The following SMARCC2 variants were observed in gnomAD, a reference collection of about 807,000 sequenced individuals.
SMARCC2 encodes SWI/SNF related BAF chromatin remodeling complex subunit C2.
Under a neutral mutation model 151.3 loss-of-function variants are expected in SMARCC2, and 15 were observed. That is an observed-to-expected ratio of 0.10 (90% CI 0.07 to 0.15). The LOEUF (loss-of-function observed/expected upper bound fraction) is 0.15, where lower values mean the gene tolerates loss of function less well. Among genes scored for constraint, SMARCC2 ranks in the 10% least tolerant of loss-of-function variants. SMARCC2 has a pLI of 1.00. For missense variants in SMARCC2, 1,031 were observed against 1,599.7 expected (o/e 0.64, Z 6.06); for synonymous variants, 590 against 609.5 (o/e 0.97, Z 0.47).
chr12:56,182,499 ATT>A (rs1008534548), intron 7 of SMARCC2, among the ~76,000 whole-genome samples: 1 of 151,296 alleles, frequency 6.6e-6, no homozygotes, highest in Non-Finnish European at 1.5e-5. Flanking sequence ...TAATTTTTAT[ATT>A]TTTAGTACAG....
At position 56,171,176 on chromosome 12, in the gene SMARCC2, G is replaced by A; in HGVS notation, c.2347+95C>T. The A allele has an allele frequency of 8.2e-7, 1 of 1,220,984 alleles. No individual in the cohort carries two copies. Among genetic ancestry groups the A allele is most frequent in the South Asian group, 1.3e-5 (1 of 78,556 alleles). 75.6% of individuals were successfully genotyped at this position (1,220,984 alleles called of 1,614,324 possible). On this transcript the variant is annotated intron_variant, in intron 22 of 28. Coordinates refer to ENST00000550164, the MANE Select transcript of SMARCC2 (RefSeq NM_001330288.2). The surrounding 1 kb of genome is among the most constrained non-coding windows in gnomAD (Gnocchi z 4.2). ...CTACCAATGTTCTCATTCATGTTGTGCTCTAATGCCAACTTGAGGCAGAAA... is the reference window on the plus strand; with the variant it reads ...CTACCAATGTTCTCATTCATGTTGTACTCTAATGCCAACTTGAGGCAGAAA...
chr12:56,179,115 T>A (rs1034991244), intron 11 of SMARCC2, 59 bp from the exon 12 acceptor site: 3 of 1,453,724 alleles, frequency 2.1e-6, no homozygotes, highest in Middle Eastern at 3.5e-4. Flanking sequence ...GCCTTCAATT[T>A]AATAGTTCCA....
intron 11 of SMARCC2, 85 bp downstream of exon 11, chr12:56,180,892 G>A (rs1876069789): frequency 7.0e-7 from 1 of 1,419,626 alleles, no homozygotes. Context: ...AGGTGGACCT[G>A]AGAAATCAGC....
Position 56,164,439 on chromosome 12 carries a change from A to G in SMARCC2, c.3525T>C (p.His1175=). 1 of 1,613,968 alleles carries G rather than the reference A, an allele frequency of 6.2e-7. No homozygotes were observed. The highest frequency in any genetic ancestry group is 8.5e-7 in the Non-Finnish European group (1 of 1,180,018). ...TGGTGGTGGTCGCCGGCAGGTTAGG[A>G]TGTAGAGGGTTCGCCATGGACACAG... is the stretch of plus-strand genomic sequence containing the variant. ...NLPVSMANPL[H]PNLPATTTMP... The change falls in exon 28 of 29, where the codon CAT becomes CAC. Residue 1175 remains histidine (H), a synonymous_variant. Coordinates refer to ENST00000550164, the MANE Select transcript of SMARCC2 (RefSeq NM_001330288.2).
At chr12:56,184,430 G>A (rs1470525188) in intron 5 of SMARCC2, 186 bp from the exon 6 acceptor site, 21 of 584,034 alleles carry the variant, frequency 3.6e-5, no homozygotes, top group Non-Finnish European at 6.1e-5. Flanking sequence ...ATGGAGAAAA[G>A]TCAAAGAATT....
chr12:56,187,737 T>C (rs1565926663), intron 1 of SMARCC2, among the ~76,000 whole-genome samples: 1 of 152,144 alleles, frequency 6.6e-6, no homozygotes, highest in Admixed American at 6.5e-5. Context: ...ATTCCCCCTA[T>C]AATGTAGCCT....
rs35695803 is a variant in SMARCC2, at chr12:56,163,327, C to CT, written c.*361dup. ...CTCCAATGTGGCTTTTTAAAATCTA[C>CT]TTTTTTTTTTTTTTTTTAATCCATA... On this transcript the variant is annotated 3_prime_UTR_variant, in exon 29 of 29. Transcript: ENST00000550164. 0.19 allele frequency: 26,799 copies of CT among 139,826 alleles called. 3,868 individuals carry two copies. The highest frequency in any genetic ancestry group is 0.42 in the African/African-American group (15,511 of 37,224). 8.7% of individuals were successfully genotyped at this position (139,826 alleles called of 1,614,324 possible).
At chr12:56,176,644 A>ATT (rs1177725229) in intron 15 of SMARCC2, among the ~76,000 whole-genome samples, 2 of 104,172 alleles carry the variant, frequency 1.9e-5, no homozygotes, top group Non-Finnish European at 4.0e-5. Flanking sequence ...CGCCCAGCTA[A>ATT]TTTTTTTTTT....
intron 23 of SMARCC2, 75 bp from the exon 24 acceptor site, chr12:56,169,986 G>A (rs1873602546): frequency 2.0e-6 from 3 of 1,492,276 alleles, no homozygotes; most frequent in Non-Finnish European, 2.8e-6. Flanking sequence ...GGGCCAGACG[G>A]GGAACTAAAT....
intron 26 of SMARCC2, 69 bp downstream of exon 26, chr12:56,167,990 AC>A: frequency 1.4e-6 from 2 of 1,479,216 alleles, no homozygotes; most frequent in South Asian, 1.2e-5. Flanking sequence ...ACACACACAC[AC>A]ACACACACGC....
At chr12:56,184,151 T>A in intron 6 of SMARCC2, 24 bp downstream of exon 6, 1 of 1,581,798 alleles carries the variant, frequency 6.3e-7, no homozygotes, top group South Asian at 1.1e-5. Flanking sequence ...TCCACTCAAG[T>A]GGACAGGAAA....
rs918516709 is a variant in SMARCC2, at chr12:56,176,481, CTT to C, written c.1382+1539_1382+1540del. 2.7e-5 allele frequency among the ~76,000 whole-genome samples: 4 copies of C among 148,140 alleles called. No individual in the cohort carries two copies. The South Asian group carries it at 6.4e-4, about 24-fold the overall frequency. The stretch of plus-strand genomic sequence containing the variant: ...AAGCAGGTTTGGCCTGAGGCAAAAT[CTT>C]TTTTTTTTTCTTGAGACGGAGTCTT... On this transcript the variant is annotated intron_variant, in intron 15 of 28. Transcript: ENST00000550164.
intron 1 of SMARCC2, among the ~76,000 whole-genome samples, chr12:56,188,470 GAA>G (rs1877707209): frequency 6.6e-6 from 1 of 152,190 alleles, no homozygotes; most frequent in South Asian, 2.1e-4. Context: ...AGGGTAGTGA[GAA>G]AAAGAGAGGC....
intron 7 of SMARCC2, 120 bp from the exon 8 acceptor site, chr12:56,182,199 G>T: frequency 1.6e-6 from 1 of 629,946 alleles, no homozygotes; most frequent in South Asian, 2.2e-5. Flanking sequence ...TATTTTTTTT[G>T]TATTCTATTC....
At chr12:56,168,294 T>C (rs868844448) in intron 25 of SMARCC2, 100 bp from the exon 26 acceptor site, 2 of 1,399,304 alleles carry the variant, frequency 1.4e-6, no homozygotes, top group Non-Finnish European at 2.0e-6. Flanking sequence ...AAGAACAAAT[T>C]TGCTGTGGTC....
At chr12:56,165,187 G>A (rs1271242323) in intron 27 of SMARCC2, 131 bp downstream of exon 27, 1 of 1,183,388 alleles carries the variant, frequency 8.5e-7, no homozygotes, top group East Asian at 2.6e-5. Context: ...AGGGGCCTAA[G>A]AGAGATGGGC....
chr12:56,165,570 G>T lies in SMARCC2; in HGVS notation c.2980C>A (p.Pro994Thr). Residue 994 changes from proline (P) to threonine (T), a missense_variant, in exon 27 of 29, where the codon CCA becomes ACA. Coordinates refer to ENST00000550164, the MANE Select transcript of SMARCC2 (RefSeq NM_001330288.2). ...GGCTGGGAGCCTGGGGGCAGGGCTG[G>T]TGGTGGCTGCTGCTGCTGTTGGTGC... is the stretch of plus-strand genomic sequence containing the variant. ...QMHQQQQQPP[P>T]ALPPGSQPIP... 3 of 1,613,516 alleles carry T rather than the reference G, an allele frequency of 1.9e-6. No homozygotes were observed. The highest frequency in any genetic ancestry group is 2.5e-6 in the Non-Finnish European group (3 of 1,180,010).
In SMARCC2 at chr12:56,162,411, AAAG is replaced by A. The variant is rs556530439; in HGVS notation, c.*1275_*1277del. 2.6e-5 allele frequency: 17 copies of A among 644,818 alleles called. No homozygotes were observed. The highest frequency in any genetic ancestry group is 4.4e-5 in the Non-Finnish European group (16 of 365,474). 39.9% of individuals were successfully genotyped at this position (644,818 alleles called of 1,614,324 possible). On this transcript the variant is annotated 3_prime_UTR_variant, in exon 29 of 29. Transcript: ENST00000550164. ...AAAAAAAAAAAAGAAAGAAAGAAAAAAAGAGAAAATTTACAGAAAACTTTGAAC... is the reference window on the plus strand; with the variant it reads ...AAAAAAAAAAAAGAAAGAAAGAAAAAAGAAAATTTACAGAAAACTTTGAAC...
intron 3 of SMARCC2, 36 bp from the exon 4 acceptor site, chr12:56,185,147 C>T: frequency 6.4e-7 from 1 of 1,563,008 alleles, no homozygotes; most frequent in African/African-American, 1.4e-5. Context: ...AGTGGTATAG[C>T]TCAGGTCTGC....
Sources: gnomAD v4.1 joint callset for allele counts (sites outside exome capture counted in the v4.1 genomes callset) on GRCh38, gnomAD v4.1.1 for gene constraint, Gnocchi (gnomAD v3.1) non-coding constraint, MANE v1.5 for transcripts, NCBI Gene and HGNC (gene_info 2026-07-23, HGNC 2026-07-21) for gene names.